The following SPRING1 variants were observed in gnomAD, a reference collection of about 807,000 sequenced individuals.
The protein encoded by SPRING1 is SREBP regulating gene protein.
In SPRING1, 14 loss-of-function variants were observed where a neutral mutation model predicts 24.7. That is an observed-to-expected ratio of 0.57 (90% CI 0.37 to 0.88). The LOEUF (loss-of-function observed/expected upper bound fraction) is 0.88. Among genes scored for constraint, SPRING1 ranks in the 40% least tolerant of loss-of-function variants. The probability of loss-of-function intolerance (pLI) is 0.00; values close to 1 mark genes in which losing one functional copy is unlikely to be tolerated. For missense variants in SPRING1, 255 were observed against 268.4 expected (o/e 0.95, Z 0.35); for synonymous variants, 93 against 106.1 (o/e 0.88, Z 0.76).
At chr12:116,730,351 C>T (rs928369273) in intron 1 of SPRING1, among the ~76,000 whole-genome samples, 2 of 151,996 alleles carry the variant, frequency 1.3e-5, no homozygotes, top group Non-Finnish European at 2.9e-5. Context: ...TTACAGGCAC[C>T]TGCCACCACA....
rs1445194715 is a variant in SPRING1 at position 116,716,815 on chromosome 12, A to C, written c.*995T>G. ...TACAGCCCCAAAGCTGAAAGCAATA[A>C]AGAATAAACACATACAGCAAGCTAC... is the stretch of plus-strand genomic sequence containing the variant. On this transcript the variant is annotated 3_prime_UTR_variant, in exon 5 of 5. Coordinates refer to ENST00000261318, the MANE Select transcript of SPRING1 (RefSeq NM_024738.4). 1 of 152,196 alleles carries C rather than the reference A, an allele frequency of 6.6e-6. No individual in the cohort carries two copies. Among genetic ancestry groups the C allele is most frequent in the African/African-American group, 2.4e-5 (1 of 41,424 alleles). 9.4% of individuals were successfully genotyped at this position (152,196 alleles called of 1,614,324 possible). A position where few individuals can be genotyped will look rare whatever the true frequency, so the allele number is the denominator to read the frequency against.
Position 116,720,405 on chromosome 12 carries a change from C to T in SPRING1, c.311G>A (p.Cys104Tyr), listed in dbSNP as rs1373545891. Reference sequence around the variant, plus strand: ...CTTCGTGCTAGGGACGTTGACATTACAGCAGCCATTTACCAGCAAATCCTT... The same window carrying T: ...CTTCGTGCTAGGGACGTTGACATTATAGCAGCCATTTACCAGCAAATCCTT... ...ERKDLLVNGC[C>Y]NVNVPSTKQY... Residue 104 changes from cysteine to tyrosine, a missense_variant, in exon 3 of 5, where the codon TGT becomes TAT. By Grantham distance (194) the Cys-to-Tyr change is radical. Coordinates refer to ENST00000261318, the MANE Select transcript of SPRING1 (RefSeq NM_024738.4). This position sits in a 1 kb window ranked among gnomAD's most constrained non-coding sequence, Gnocchi z 4.0. 1.9e-6 allele frequency: 3 copies of T among 1,614,180 alleles called. No homozygotes were observed. In the South Asian group the frequency reaches 3.3e-5, roughly 18 times the overall value.
intron 4 of SPRING1, among the ~76,000 whole-genome samples, chr12:116,719,472 C>T (rs1186589316): frequency 1.3e-5 from 2 of 152,154 alleles, no homozygotes; most frequent in Non-Finnish European, 2.9e-5. Context: ...TAGGACTCTA[C>T]CAGACTTAAA....
chr12:116,732,976 T>C (rs1225739055), intron 1 of SPRING1, among the ~76,000 whole-genome samples: 1 of 152,210 alleles, frequency 6.6e-6, no homozygotes, highest in Non-Finnish European at 1.5e-5. Flanking sequence ...AACAGTCAAA[T>C]TACCAAAACC....
Position 116,714,676 on chromosome 12 carries a change from T to C in SPRING1, c.*3134A>G, listed in dbSNP as rs903831800. ...TGGGTGTGGTGGTGTACGCCTGTGA[T>C]CCCAGCTACTCAGGAGGCTGAGGCA... On this transcript the variant is annotated 3_prime_UTR_variant, in exon 5 of 5. Coordinates refer to ENST00000261318, the MANE Select transcript of SPRING1 (RefSeq NM_024738.4). 1.3e-5 allele frequency: 2 copies of C among 151,612 alleles called. No individual in the cohort carries two copies. The highest frequency in any genetic ancestry group is 2.9e-5 in the Non-Finnish European group (2 of 68,222). The allele number at this position is 151,612 out of a possible 1,614,324, so 9.4% of individuals were successfully genotyped here. A position where few individuals can be genotyped will look rare whatever the true frequency, so the allele number is the denominator to read the frequency against.
rs1298878881 is a variant in SPRING1 at position 116,728,119 on chromosome 12, A to C, written c.112-4896T>G. Among the ~76,000 whole-genome samples, 1 of 152,196 alleles carries C rather than the reference A, an allele frequency of 6.6e-6. No individual in the cohort carries two copies. The highest frequency in any genetic ancestry group is 1.5e-5 in the Non-Finnish European group (1 of 68,026). On this transcript the variant is annotated intron_variant, in intron 1 of 4. Coordinates refer to ENST00000261318, the MANE Select transcript of SPRING1 (RefSeq NM_024738.4). The surrounding 1 kb of genome is among the most constrained non-coding windows in gnomAD (Gnocchi z 4.2). ...ACGTATGAGAACATCTGGTTACACG[A>C]GAGGAACTCTAAGGACCCTTCTGAC...
At chr12:116,736,365 G>A (rs148047696) in intron 1 of SPRING1, among the ~76,000 whole-genome samples, 33 of 152,322 alleles carry the variant, frequency 2.2e-4, no homozygotes, top group African/African-American at 7.7e-4. Flanking sequence ...AGGTGTCTGA[G>A]GTGGCAGAAA....
chr12:116,724,784 A>G (rs1870604276), intron 1 of SPRING1, among the ~76,000 whole-genome samples: 2 of 152,232 alleles, frequency 1.3e-5, no homozygotes, highest in Admixed American at 1.3e-4. Flanking sequence ...ACTGATAGCT[A>G]TTTAACTAGA....
chr12:116,736,170 C>T (rs562454266), intron 1 of SPRING1, among the ~76,000 whole-genome samples: 1 of 145,892 alleles, frequency 6.9e-6, no homozygotes, highest in South Asian at 2.2e-4. Context: ...GATTTCTGGA[C>T]AGATCTAGGC....
chr12:116,723,126 C>G lies in SPRING1; in HGVS notation c.209G>C (p.Arg70Pro), dbSNP rs140114196. ...GGAGTTGCGGCACTGATTGCTCGGACGACTGCTATTGCCCAAGTTAAACTG... is the reference window on the plus strand; with the variant it reads ...GGAGTTGCGGCACTGATTGCTCGGAGGACTGCTATTGCCCAAGTTAAACTG... ...KVQFNLGNSS[R>P]PSNQCRNSIQ... is the part of the protein sequence containing the mutation. Residue 70 changes from arginine to proline, a missense_variant, in exon 2 of 5, where the codon CGT becomes CCT. Arg to Pro is a moderately radical substitution (Grantham distance 103). Coordinates refer to ENST00000261318, the MANE Select transcript of SPRING1 (RefSeq NM_024738.4). 13 of 1,612,972 alleles carry G rather than the reference C, an allele frequency of 8.1e-6. No homozygotes were observed. The Admixed American group carries it at 2.2e-4, about 27-fold the overall frequency.
At chr12:116,737,543 GGAAGGTAAGGAA>G (rs1871315604) in intron 1 of SPRING1, among the ~76,000 whole-genome samples, 2 of 127,670 alleles carry the variant, frequency 1.6e-5, no homozygotes, top group South Asian at 2.6e-4. Context: ...AGGAAGGTGA[GGAAGGTAAGGAA>G]GGAAGGGAGG....
At chr12:116,734,024 G>A (rs1223972501) in intron 1 of SPRING1, among the ~76,000 whole-genome samples, 1 of 152,180 alleles carries the variant, frequency 6.6e-6, no homozygotes, top group Non-Finnish European at 1.5e-5. Context: ...TTACAGGCGT[G>A]TGCCACCACA....
At chr12:116,736,054 A>T (rs1401695995) in intron 1 of SPRING1, among the ~76,000 whole-genome samples, 3 of 149,134 alleles carry the variant, frequency 2.0e-5, no homozygotes, top group Non-Finnish European at 4.4e-5. Flanking sequence ...AAAAAAAAAA[A>T]AAAAAAAAAA....
intron 4 of SPRING1, among the ~76,000 whole-genome samples, 199 bp downstream of exon 4, chr12:116,719,564 T>C (rs544209618): frequency 2.6e-5 from 4 of 152,332 alleles, no homozygotes; most frequent in Non-Finnish European, 4.4e-5. Flanking sequence ...TGATTTAATA[T>C]AAATGCTTCA....
At chr12:116,723,330 G>T in intron 1 of SPRING1, 107 bp from the exon 2 acceptor site, 2 of 1,323,218 alleles carry the variant, frequency 1.5e-6, no homozygotes, top group African/African-American at 1.5e-5. Context: ...ACTATAAAAG[G>T]CTTACACTAC....
At position 116,712,421 on chromosome 12, in the gene SPRING1, A is replaced by T. The variant is rs1869912928; in HGVS notation, c.*5389T>A. 1.3e-5 allele frequency: 2 copies of T among 152,252 alleles called. No homozygotes were observed. 9.4% of individuals were successfully genotyped at this position (152,252 alleles called of 1,614,324 possible). A position where few individuals can be genotyped will look rare whatever the true frequency, so the allele number is the denominator to read the frequency against. ...CAGCAGACGAGGTAAGGCATGTTGC[A>T]GATACATGCTGAATATAGGGATGCC... On this transcript the variant is annotated 3_prime_UTR_variant, in exon 5 of 5. Coordinates refer to ENST00000261318, the MANE Select transcript of SPRING1 (RefSeq NM_024738.4).
Position 116,711,798 on chromosome 12 carries a change from T to C in SPRING1, c.*6012A>G, listed in dbSNP as rs1869883365. 6.6e-6 allele frequency: 1 copy of C among 152,498 alleles called. No homozygotes were observed. Among genetic ancestry groups the C allele is most frequent in the Non-Finnish European group, 1.5e-5 (1 of 68,408 alleles). 9.4% of individuals were successfully genotyped at this position (152,498 alleles called of 1,614,324 possible). On this transcript the variant is annotated 3_prime_UTR_variant, in exon 5 of 5. Coordinates refer to ENST00000261318, the MANE Select transcript of SPRING1 (RefSeq NM_024738.4). ...CCTGGCTCCTTTTTTTTATTTTTTG[T>C]AGAGACAGGGTCTCCCTATGTTGCT...
At chr12:116,733,386 G>C (rs1367284390) in intron 1 of SPRING1, among the ~76,000 whole-genome samples, 1 of 136,622 alleles carries the variant, frequency 7.3e-6, no homozygotes, top group African/African-American at 3.2e-5. Flanking sequence ...GTTTCACCGT[G>C]TTAGCCAGGA....
chr12:116,716,386 AT>A lies in SPRING1; in HGVS notation c.*1423del, dbSNP rs1870132243. ...AAAAACATTGAATACTGACCACAGA[AT>A]TAGCACCTTGCTCCCAGGTCAATAA... On this transcript the variant is annotated 3_prime_UTR_variant, in exon 5 of 5. Coordinates refer to ENST00000261318, the MANE Select transcript of SPRING1 (RefSeq NM_024738.4). 1 of 152,364 alleles carries A rather than the reference AT, an allele frequency of 6.6e-6. No homozygotes were observed. 9.4% of individuals were successfully genotyped at this position (152,364 alleles called of 1,614,324 possible).
Sources: allele counts gnomAD v4.1 joint callset (sites outside exome capture counted in the v4.1 genomes callset), GRCh38; gene constraint gnomAD v4.1.1; non-coding constraint Gnocchi (gnomAD v3.1); transcripts MANE v1.5; gene names NCBI Gene and HGNC (gene_info 2026-07-23, HGNC 2026-07-21).